Variants in YWHAQ observed in about 807,000 individuals in gnomAD.
The protein encoded by YWHAQ is tyrosine 3-monooxygenase/tryptophan 5-monooxygenase activation protein theta.
A neutral mutation model predicts 28.3 loss-of-function variants in YWHAQ; 6 were observed. The observed-to-expected ratio is 0.21, with a 90% confidence interval of 0.12 to 0.42. The LOEUF is 0.42. YWHAQ is among the 10% of genes least tolerant of loss of function. The pLI, the probability that YWHAQ is intolerant of heterozygous loss-of-function variation, is 1.00. For missense variants in YWHAQ, 201 were observed against 305.6 expected (o/e 0.66, Z 2.55); for synonymous variants, 143 against 119.1 (o/e 1.20, Z -1.31).
chr2:9,594,083 T>C (rs1666520575), intron 2 of YWHAQ, among the ~76,000 whole-genome samples: 1 of 151,884 alleles, frequency 6.6e-6, no homozygotes, highest in Admixed American at 6.6e-5. Context: ...ATCAAAATTG[T>C]GGCTCAAGTT....
chr2:9,626,121 TCA>T (rs1667243277), intron 2 of YWHAQ, among the ~76,000 whole-genome samples: 1 of 152,366 alleles, frequency 6.6e-6, no homozygotes, highest in East Asian at 1.9e-4. Context: ...ATTTTAACTC[TCA>T]TTTTTAAAAA....
At chr2:9,617,120 C>T (rs942103529) in intron 2 of YWHAQ, among the ~76,000 whole-genome samples, 1 of 147,610 alleles carries the variant, frequency 6.8e-6, no homozygotes, top group African/African-American at 2.5e-5. Flanking sequence ...GCCACTACGC[C>T]CGGCTAATTT....
intron 2 of YWHAQ, among the ~76,000 whole-genome samples, chr2:9,594,046 A>G (rs185559074): frequency 2.5e-4 from 38 of 151,896 alleles, no homozygotes; most frequent in Middle Eastern, 3.4e-3. Context: ...AAGTCTCAGA[A>G]GTTTATGCAT....
At chr2:9,599,034 C>T (rs1666634514) in intron 2 of YWHAQ, among the ~76,000 whole-genome samples, 1 of 152,180 alleles carries the variant, frequency 6.6e-6, no homozygotes, top group Non-Finnish European at 1.5e-5. Context: ...CCAGTGAACA[C>T]ACAAATGATA....
At chr2:9,588,554 T>C (rs1666394936) in intron 3 of YWHAQ, among the ~76,000 whole-genome samples, 1 of 152,076 alleles carries the variant, frequency 6.6e-6, no homozygotes, top group South Asian at 2.1e-4. Flanking sequence ...GTGGATCACT[T>C]GAGATCAGGA....
At chr2:9,596,992 T>C (rs906697096) in intron 2 of YWHAQ, among the ~76,000 whole-genome samples, 7 of 152,220 alleles carry the variant, frequency 4.6e-5, no homozygotes, top group Non-Finnish European at 5.9e-5. Context: ...AACTCTGTGT[T>C]ATGTGTCAGA....
chr2:9,613,565 A>G (rs1666991989), intron 2 of YWHAQ, among the ~76,000 whole-genome samples: 1 of 152,234 alleles, frequency 6.6e-6, no homozygotes, highest in Admixed American at 6.5e-5. Flanking sequence ...GGGAAGCAGC[A>G]GATGAAGAGA....
chr2:9,612,828 A>T (rs1666975576), intron 2 of YWHAQ, among the ~76,000 whole-genome samples: 1 of 152,238 alleles, frequency 6.6e-6, no homozygotes, highest in Non-Finnish European at 1.5e-5. Flanking sequence ...CTGAGGCTAG[A>T]TGCAGCACTA....
chr2:9,626,352 TA>T (rs1257580776), intron 2 of YWHAQ, among the ~76,000 whole-genome samples: 2 of 148,920 alleles, frequency 1.3e-5, no homozygotes, highest in Admixed American at 1.3e-4. Context: ...TGAACCCCTC[TA>T]ACTTTTTCCA....
At chr2:9,587,545 A>G (rs773512237) in intron 4 of YWHAQ, 36 bp from the exon 5 acceptor site, 2 of 1,547,456 alleles carry the variant, frequency 1.3e-6, no homozygotes, top group Non-Finnish European at 1.8e-6. Context: ...AAATATGTGC[A>G]TTGACGAAAA....
At chr2:9,612,712 T>C (rs1349897468) in intron 2 of YWHAQ, among the ~76,000 whole-genome samples, 5 of 152,044 alleles carry the variant, frequency 3.3e-5, no homozygotes, top group Non-Finnish European at 5.9e-5. Flanking sequence ...ATACAGCAGG[T>C]ATTGGGAGGA....
At chr2:9,621,499 G>A (rs1667142274) in intron 2 of YWHAQ, among the ~76,000 whole-genome samples, 1 of 152,050 alleles carries the variant, frequency 6.6e-6, no homozygotes, top group African/African-American at 2.4e-5. Context: ...TCCACCACCT[G>A]GATCTTACCA....
In YWHAQ at chr2:9,584,298, A is replaced by T. The variant is rs1666303357; in HGVS notation, c.*988T>A. On this transcript the variant is annotated 3_prime_UTR_variant, in exon 6 of 6. Transcript: ENST00000238081. Reference sequence around the variant, plus strand: ...ATAAAATGTACTTTTATTTTATGTTACTCTGCTGTTACATAGGGCATAACA... The same window carrying T: ...ATAAAATGTACTTTTATTTTATGTTTCTCTGCTGTTACATAGGGCATAACA... The T allele has an allele frequency of 6.5e-6, 1 of 152,724 alleles. No homozygotes were observed. Among genetic ancestry groups the T allele is most frequent in the East Asian group, 1.9e-4 (1 of 5,188 alleles). 9.5% of individuals were successfully genotyped at this position (152,724 alleles called of 1,614,324 possible).
At chr2:9,618,160 C>T (rs180772052) in intron 2 of YWHAQ, among the ~76,000 whole-genome samples, 3 of 152,074 alleles carry the variant, frequency 2.0e-5, no homozygotes, top group East Asian at 1.9e-4. Flanking sequence ...GTAATGAAAA[C>T]GTTCTGGAAT....
intron 2 of YWHAQ, among the ~76,000 whole-genome samples, chr2:9,595,131 C>T (rs2125064216): frequency 6.6e-6 from 1 of 152,302 alleles, no homozygotes; most frequent in South Asian, 2.1e-4. Context: ...GCCACTAGCT[C>T]TCTGTGAAGG....
At chr2:9,617,170 G>C (rs1202663757) in intron 2 of YWHAQ, among the ~76,000 whole-genome samples, 2 of 150,558 alleles carry the variant, frequency 1.3e-5, no homozygotes, top group Non-Finnish European at 3.0e-5. Flanking sequence ...CACCATGTTA[G>C]CCAAGATGGT....
chr2:9,602,373 C>A (rs1666710212), intron 2 of YWHAQ, among the ~76,000 whole-genome samples: 2 of 152,092 alleles, frequency 1.3e-5, no homozygotes, highest in South Asian at 2.1e-4. Context: ...TATGATCACA[C>A]CACTGCACTC....
At chr2:9,628,419 A>G (rs1472117554) in intron 2 of YWHAQ, among the ~76,000 whole-genome samples, 1 of 152,260 alleles carries the variant, frequency 6.6e-6, no homozygotes, top group Non-Finnish European at 1.5e-5. Flanking sequence ...TTACGCCATC[A>G]TAAAAAGCAG....
At chr2:9,624,281 C>T (rs1667202613) in intron 2 of YWHAQ, among the ~76,000 whole-genome samples, 1 of 151,988 alleles carries the variant, frequency 6.6e-6, no homozygotes, top group Non-Finnish European at 1.5e-5. Context: ...TCAAATCAAA[C>T]CAAACAAAAA....
Sources: gnomAD v4.1 joint callset for allele counts (sites outside exome capture counted in the v4.1 genomes callset) on GRCh38, gnomAD v4.1.1 for gene constraint, MANE v1.5 for transcripts, NCBI Gene and HGNC (gene_info 2026-07-23, HGNC 2026-07-21) for gene names.